The following COL21A1 variants were observed in gnomAD, a reference collection of about 807,000 sequenced individuals.
The protein encoded by COL21A1 is collagen type XXI alpha 1 chain.
In COL21A1, 149 loss-of-function variants were observed where a neutral mutation model predicts 137.9. The observed-to-expected ratio is 1.08, with a 90% CI of 0.95 to 1.24. The LOEUF (loss-of-function observed/expected upper bound fraction) is 1.24. Among genes scored for constraint, COL21A1 ranks in the 50% most tolerant of loss-of-function variants. The pLI, the probability that COL21A1 is intolerant of heterozygous loss-of-function variation, is 0.00. For synonymous variants in COL21A1, 456 were observed against 391.5 expected (o/e 1.16, Z -1.95); for missense variants, 1,167 against 1,158.4 (o/e 1.01, Z -0.11).
intron 1 of COL21A1, among the ~76,000 whole-genome samples, chr6:56,187,043 C>G (rs1242282197): frequency 6.6e-6 from 1 of 152,128 alleles, no homozygotes; most frequent in African/African-American, 2.4e-5. Flanking sequence ...TAACTCAATA[C>G]CTGAGATGGA....
At chr6:56,092,332 C>T (rs374520931) in intron 17 of COL21A1, among the ~76,000 whole-genome samples, 2 of 152,002 alleles carry the variant, frequency 1.3e-5, no homozygotes, top group African/African-American at 4.8e-5. Flanking sequence ...TTAAACCATA[C>T]GATTTGTATC....
rs567787057 is a variant in COL21A1 at position 56,123,593 on chromosome 6, G to A, written c.1758+469C>T. Among the ~76,000 whole-genome samples, 9 of 152,266 alleles carry A rather than the reference G, an allele frequency of 5.9e-5. No individual in the cohort carries two copies. The East Asian group carries it at 1.7e-3, about 29-fold the overall frequency. On this transcript the variant is annotated intron_variant, in intron 16 of 29. Transcript: ENST00000244728. ...CTCCTAACTTTAAGAATATGATGGT[G>A]CTAATGGACCACCCCAAGGGCATGT...
intron 1 of COL21A1, among the ~76,000 whole-genome samples, chr6:56,257,962 T>C (rs1444799210): frequency 3.3e-5 from 5 of 152,126 alleles, no homozygotes; most frequent in Admixed American, 2.6e-4. Flanking sequence ...GAAGATAATA[T>C]ACAGGTATTT....
chr6:56,132,198 G>A (rs773893141), intron 12 of COL21A1, among the ~76,000 whole-genome samples: 6 of 151,650 alleles, frequency 4.0e-5, no homozygotes, highest in African/African-American at 1.4e-4. Flanking sequence ...GATAATGTTT[G>A]GGACTAATAT....
intron 16 of COL21A1, among the ~76,000 whole-genome samples, chr6:56,113,454 C>T (rs1010162753): frequency 6.0e-5 from 9 of 150,678 alleles, no homozygotes; most frequent in African/African-American, 2.2e-4. Flanking sequence ...TTTCTAGACA[C>T]ACCCTGGGCC....
At chr6:56,389,751 C>T (rs2094025423) in intron 1 of COL21A1, among the ~76,000 whole-genome samples, 1 of 152,098 alleles carries the variant, frequency 6.6e-6, no homozygotes, top group African/African-American at 2.4e-5. Flanking sequence ...TTCAGTGGAA[C>T]CTTACAGGGC....
intron 1 of COL21A1, among the ~76,000 whole-genome samples, chr6:56,333,879 T>C (rs992573681): frequency 2.6e-5 from 4 of 152,134 alleles, no homozygotes; most frequent in Non-Finnish European, 4.4e-5. Flanking sequence ...GTTGAGGATC[T>C]CTTCATGGGA....
intron 16 of COL21A1, among the ~76,000 whole-genome samples, chr6:56,109,958 C>T (rs4326238): frequency 0.072 from 10,910 of 151,992 alleles, 435 homozygotes; most frequent in Middle Eastern, 0.11. Context: ...ATGACACTAA[C>T]ACTACACAAA....
chr6:56,266,701 C>T (rs1006277073), intron 1 of COL21A1, among the ~76,000 whole-genome samples: 9 of 152,164 alleles, frequency 5.9e-5, no homozygotes, highest in African/African-American at 2.2e-4. Flanking sequence ...GACAGATAAA[C>T]TCTCCACTTT....
intron 1 of COL21A1, among the ~76,000 whole-genome samples, chr6:56,221,201 A>G (rs2152312401): frequency 6.6e-6 from 1 of 152,216 alleles, no homozygotes; most frequent in African/African-American, 2.4e-5. Context: ...ACAACCACAG[A>G]TGTTCCCAGA....
chr6:56,287,375 T>C (rs1315184619), intron 1 of COL21A1, among the ~76,000 whole-genome samples: 1 of 152,120 alleles, frequency 6.6e-6, no homozygotes, highest in Non-Finnish European at 1.5e-5. Flanking sequence ...CCCAACCAAA[T>C]CTCATGTTGA....
intron 1 of COL21A1, among the ~76,000 whole-genome samples, chr6:56,295,199 A>G (rs1764135647): frequency 6.6e-6 from 1 of 151,786 alleles, no homozygotes; most frequent in Admixed American, 6.6e-5. Context: ...TTTGTTGAAA[A>G]GATTGGGTTT....
intron 1 of COL21A1, among the ~76,000 whole-genome samples, chr6:56,324,838 A>G (rs1448764557): frequency 5.9e-5 from 9 of 152,008 alleles, no homozygotes; most frequent in Non-Finnish European, 1.5e-5. Flanking sequence ...CCTCCTCACC[A>G]TCTATCTTAA....
chr6:56,232,558 C>T (rs969713758), intron 1 of COL21A1, among the ~76,000 whole-genome samples: 1 of 151,836 alleles, frequency 6.6e-6, no homozygotes, highest in Non-Finnish European at 1.5e-5. Flanking sequence ...CAGTTGGCTA[C>T]GTTCTGTTAT....
intron 1 of COL21A1, among the ~76,000 whole-genome samples, chr6:56,347,971 A>G (rs1473591789): frequency 1.3e-5 from 2 of 152,192 alleles, no homozygotes; most frequent in Non-Finnish European, 2.9e-5. Flanking sequence ...TTCATATTCT[A>G]TTTTGTGCAT....
intron 1 of COL21A1, among the ~76,000 whole-genome samples, chr6:56,307,919 A>T (rs1035628944): frequency 3.9e-5 from 6 of 152,224 alleles, no homozygotes; most frequent in Admixed American, 3.9e-4. Context: ...AATAGCCAAG[A>T]TGTGCAAACA....
intron 17 of COL21A1, among the ~76,000 whole-genome samples, chr6:56,096,925 T>C (rs901960792): frequency 9.2e-5 from 14 of 152,204 alleles, no homozygotes; most frequent in Admixed American, 1.3e-4. Flanking sequence ...ATATAAACTT[T>C]ATGGATTTTT....
intron 17 of COL21A1, chr6:56,091,791 T>A (rs558335814): frequency 1.2e-4 from 18 of 152,186 alleles, no homozygotes; most frequent in Non-Finnish European, 2.6e-4. Context: ...TTGGCAAGAA[T>A]TGACCAAAGA....
chr6:56,092,104 A>G (rs1343756197), intron 17 of COL21A1, among the ~76,000 whole-genome samples: 1 of 152,168 alleles, frequency 6.6e-6, no homozygotes, highest in African/African-American at 2.4e-5. Context: ...ATCTTTTAAA[A>G]GAAAAAAAAA....
Sources: gnomAD v4.1 joint callset for allele counts (sites outside exome capture counted in the v4.1 genomes callset) on GRCh38, gnomAD v4.1.1 for gene constraint, MANE v1.5 for transcripts, NCBI Gene and HGNC (gene_info 2026-07-23, HGNC 2026-07-21) for gene names.